KCNH1: variants seen among roughly 807,000 people sequenced by gnomAD.
The protein encoded by KCNH1 is potassium voltage-gated channel subfamily H member 1.
In KCNH1, 27 loss-of-function variants were observed where a neutral mutation model predicts 69.2. That is an observed-to-expected ratio of 0.39 (90% CI 0.29 to 0.54). KCNH1 has a LOEUF of 0.54. Among genes scored for constraint, KCNH1 ranks in the 20% least tolerant of loss-of-function variants. KCNH1 has a pLI of 0.68. For missense variants in KCNH1, 798 were observed against 1,261.6 expected, an observed-to-expected ratio of 0.63 and a Z score of 5.57; for synonymous variants, 456 against 487.7, an observed-to-expected ratio of 0.93 and a Z score of 0.86.
At chr1:211,076,338 G>T (rs192433759) in intron 5 of KCNH1, among the ~76,000 whole-genome samples, 3 of 152,310 alleles carry the variant, frequency 2.0e-5, no homozygotes, top group Admixed American at 2.0e-4. Flanking sequence ...AGTAGGGTCC[G>T]ACTGACACCT....
chr1:210,920,456 A>G (rs1376689014), intron 6 of KCNH1, among the ~76,000 whole-genome samples: 2 of 152,176 alleles, frequency 1.3e-5, no homozygotes, highest in African/African-American at 4.8e-5. Flanking sequence ...GTTGCATAAC[A>G]TTTATTTCAT....
chr1:210,748,781 C>T (rs1340047738), intron 10 of KCNH1, among the ~76,000 whole-genome samples: 1 of 152,194 alleles, frequency 6.6e-6, no homozygotes, highest in Non-Finnish European at 1.5e-5. Flanking sequence ...GCTGGACTGT[C>T]TCACCCCACA....
At chr1:210,855,979 G>A (rs1344307853) in intron 7 of KCNH1, among the ~76,000 whole-genome samples, 1 of 152,098 alleles carries the variant, frequency 6.6e-6, no homozygotes, top group Non-Finnish European at 1.5e-5. Context: ...CCTGCCCCAA[G>A]CAATGATGCA....
intron 10 of KCNH1, among the ~76,000 whole-genome samples, chr1:210,734,778 C>A (rs577208209): frequency 2.0e-5 from 3 of 151,966 alleles, no homozygotes; most frequent in African/African-American, 7.2e-5. Context: ...GGAGAGGGTA[C>A]CCGTTTGAAC....
chr1:210,978,418 A>G (rs1688653810), intron 6 of KCNH1, among the ~76,000 whole-genome samples: 1 of 152,136 alleles, frequency 6.6e-6, no homozygotes, highest in Non-Finnish European at 1.5e-5. Flanking sequence ...GGTCTGCTAA[A>G]CCCAACATCT....
At chr1:210,733,561 G>T (rs761687740) in intron 10 of KCNH1, among the ~76,000 whole-genome samples, 1 of 152,176 alleles carries the variant, frequency 6.6e-6, no homozygotes, top group Non-Finnish European at 1.5e-5. Flanking sequence ...ATATCACCAT[G>T]GTCATTAAAG....
chr1:211,020,354 T>C (rs779254294), intron 5 of KCNH1, among the ~76,000 whole-genome samples: 29 of 151,982 alleles, frequency 1.9e-4, no homozygotes, highest in Non-Finnish European at 3.7e-4. Flanking sequence ...TTATGAATAA[T>C]CATATGCCAA....
At chr1:211,061,229 C>A (rs1435133322) in intron 5 of KCNH1, among the ~76,000 whole-genome samples, 6 of 152,014 alleles carry the variant, frequency 3.9e-5, no homozygotes, top group Admixed American at 3.9e-4. Flanking sequence ...TCAACTGACA[C>A]CTTAAAAACA....
chr1:210,808,598 G>A (rs1480347173), intron 7 of KCNH1, among the ~76,000 whole-genome samples: 1 of 151,460 alleles, frequency 6.6e-6, no homozygotes, highest in Non-Finnish European at 1.5e-5. Context: ...TTCTCACAAT[G>A]TTGCCCAGGC....
At chr1:211,029,536 A>G (rs1259044333) in intron 5 of KCNH1, among the ~76,000 whole-genome samples, 10 of 151,998 alleles carry the variant, frequency 6.6e-5, no homozygotes, top group Non-Finnish European at 7.4e-5. Flanking sequence ...AAAAATAGAA[A>G]TAGAGGAGAA....
chr1:211,100,337 C>T (rs1027616624), intron 3 of KCNH1, among the ~76,000 whole-genome samples: 7 of 152,126 alleles, frequency 4.6e-5, no homozygotes, highest in African/African-American at 1.4e-4. Flanking sequence ...TATTACTTCT[C>T]ATGTATTTAT....
chr1:211,086,149 A>G lies in KCNH1; in HGVS notation c.440-3251T>C, dbSNP rs139496472. The stretch of plus-strand genomic sequence containing the variant: ...CCTAGCACGAGGCTAGGCACCCAAC[A>G]GGTGAATACAATAGGTATATTGGAC... On this transcript the variant is annotated intron_variant, in intron 4 of 10. Transcript: ENST00000271751. 2.8e-4 allele frequency among the ~76,000 whole-genome samples: 42 copies of G among 152,362 alleles called. No individual in the cohort carries two copies. The East Asian group carries it at 8.1e-3, about 29-fold the overall frequency.
intron 7 of KCNH1, among the ~76,000 whole-genome samples, chr1:210,824,630 C>T (rs1420372454): frequency 6.6e-6 from 1 of 152,102 alleles, no homozygotes; most frequent in Admixed American, 6.5e-5. Flanking sequence ...GAAGAAAATC[C>T]AGCCTTACAC....
Position 210,985,883 on chromosome 1 carries a change from T to C in KCNH1, c.1032+32900A>G, listed in dbSNP as rs542637793. 1.7e-3 allele frequency among the ~76,000 whole-genome samples: 265 copies of C among 152,296 alleles called. 1 individual carries two copies. The highest frequency in any genetic ancestry group is 5.1e-3 in the African/African-American group (211 of 41,552). On this transcript the variant is annotated intron_variant, in intron 6 of 10. Transcript: ENST00000271751. ...GATCTGTCTAATGTTGACAGTAGGG[T>C]GTTAAAGTCTCCCATTATTATTGTG...
At chr1:210,796,041 G>GCTACT (rs1215916739) in intron 9 of KCNH1, among the ~76,000 whole-genome samples, 2 of 150,624 alleles carry the variant, frequency 1.3e-5, no homozygotes, top group Non-Finnish European at 2.9e-5. Flanking sequence ...TGTAGTCCCA[G>GCTACT]CTACTCGGGA....
At chr1:210,963,093 G>A (rs1688328666) in intron 6 of KCNH1, among the ~76,000 whole-genome samples, 1 of 151,572 alleles carries the variant, frequency 6.6e-6, no homozygotes, top group Non-Finnish European at 1.5e-5. Context: ...TCTTCATGCT[G>A]TCTCTGCTGA....
At chr1:210,832,917 T>TATATATATATATAC (rs1389330212) in intron 7 of KCNH1, among the ~76,000 whole-genome samples, 1 of 128,960 alleles carries the variant, frequency 7.8e-6, no homozygotes, top group Non-Finnish European at 1.7e-5. Flanking sequence ...CATATATATA[T>TATATATATATATAC]ATATACATAT....
chr1:210,741,146 A>G (rs1558449487), intron 10 of KCNH1, among the ~76,000 whole-genome samples: 1 of 152,190 alleles, frequency 6.6e-6, no homozygotes, highest in Non-Finnish European at 1.5e-5. Flanking sequence ...TGGAGTACGT[A>G]TCATCGAGTA....
Position 211,086,624 on chromosome 1 carries a change from T to C in KCNH1, c.440-3726A>G, listed in dbSNP as rs150041047. On this transcript the variant is annotated intron_variant, in intron 4 of 10. Coordinates refer to ENST00000271751, the MANE Select transcript of KCNH1 (RefSeq NM_172362.3). ...GCTATTTACTGGGTCTTTTCTCCAT[T>C]CTCAGGAATGGAGAAATGGCTTTTC... is the stretch of plus-strand genomic sequence containing the variant. Among the ~76,000 whole-genome samples the C allele has an allele frequency of 5.9e-5, 9 of 152,254 alleles. No homozygotes were observed. The East Asian group carries it at 1.5e-3, about 26-fold the overall frequency.
Sources: gnomAD v4.1 joint callset for allele counts (sites outside exome capture counted in the v4.1 genomes callset) on GRCh38, gnomAD v4.1.1 for gene constraint, MANE v1.5 for transcripts, NCBI Gene and HGNC (gene_info 2026-07-23, HGNC 2026-07-21) for gene names.